The following UBTD2 variants were observed in gnomAD, a reference collection of about 807,000 sequenced individuals.
The protein encoded by UBTD2 is ubiquitin domain-containing protein 2.
Under a neutral mutation model 19.8 loss-of-function variants are expected in UBTD2, and 9 were observed. The ratio of observed to expected loss-of-function variants is 0.46; its 90% CI spans 0.27 to 0.79. The LOEUF is 0.79. UBTD2 is among the 30% of genes least tolerant of loss of function. The pLI is 0.14. For missense variants in UBTD2, 250 were observed against 300.4 expected (o/e 0.83, Z 1.24); for synonymous variants, 98 against 103.9 (o/e 0.94, Z 0.35).
intron 1 of UBTD2, among the ~76,000 whole-genome samples, chr5:172,262,869 T>A (rs993391688): frequency 2.6e-5 from 4 of 152,172 alleles, no homozygotes; most frequent in Non-Finnish European, 5.9e-5. Context: ...ATTGTATTTG[T>A]GAAGCTTAAA....
In UBTD2 at chr5:172,265,843, A is replaced by T. The variant is rs1252063969; in HGVS notation, c.70+17753T>A. Among the ~76,000 whole-genome samples, 7 of 152,274 alleles carry T rather than the reference A, an allele frequency of 4.6e-5. No homozygotes were observed. In the East Asian group the frequency reaches 1.3e-3, roughly 29 times the overall value. On this transcript the variant is annotated intron_variant, in intron 1 of 2. Coordinates refer to ENST00000393792, the MANE Select transcript of UBTD2 (RefSeq NM_152277.3). Reference sequence around the variant, plus strand: ...GAAGACGGGAAGCATATAAATAAACAAATAATTTCTAAAAGCAACTTTTTT... The same window carrying T: ...GAAGACGGGAAGCATATAAATAAACTAATAATTTCTAAAAGCAACTTTTTT...
chr5:172,263,674 G>C (rs2113103655), intron 1 of UBTD2, among the ~76,000 whole-genome samples: 1 of 152,116 alleles, frequency 6.6e-6, no homozygotes, highest in South Asian at 2.1e-4. Context: ...GGCGCCTGTG[G>C]TCCCAGCTAC....
chr5:172,227,823 G>A (rs922464957), intron 2 of UBTD2, among the ~76,000 whole-genome samples: 1 of 149,930 alleles, frequency 6.7e-6, no homozygotes, highest in African/African-American at 2.5e-5. Flanking sequence ...TGGGATTACA[G>A]GCACCCGCCA....
chr5:172,210,143 T>C lies in UBTD2; in HGVS notation c.*1687A>G, dbSNP rs1310228974. On this transcript the variant is annotated 3_prime_UTR_variant, in exon 3 of 3. Transcript: ENST00000393792. ...GATTCAATCATCAGCAAATTTAAAT[T>C]AGATATAGCCACAATCTTTAAAATG... The C allele has an allele frequency of 6.6e-6, 1 of 152,188 alleles. No homozygotes were observed. The highest frequency in any genetic ancestry group is 1.5e-5 in the Non-Finnish European group (1 of 68,040). The allele number at this position is 152,188 out of a possible 1,614,324, so 9.4% of individuals were successfully genotyped here.
rs962600395 is a variant in UBTD2 at position 172,246,888 on chromosome 5, C to G, written c.71-12530G>C. Reference sequence around the variant, plus strand: ...AAGCCATTCTCCCGTCTCAGCCTCCCAAGTAGCTGGGATTGCACCACCATT... The same window carrying G: ...AAGCCATTCTCCCGTCTCAGCCTCCGAAGTAGCTGGGATTGCACCACCATT... On this transcript the variant is annotated intron_variant, in intron 1 of 2. Transcript: ENST00000393792. Among the ~76,000 whole-genome samples, 48 of 150,066 alleles carry G rather than the reference C, an allele frequency of 3.2e-4. No individual in the cohort carries two copies. In the Admixed American group the frequency reaches 3.2e-3, roughly 10 times the overall value.
intron 1 of UBTD2, among the ~76,000 whole-genome samples, chr5:172,272,387 C>G (rs1434081145): frequency 1.3e-5 from 2 of 152,146 alleles, no homozygotes; most frequent in Admixed American, 1.3e-4. Flanking sequence ...CAGCCTAGTA[C>G]TGCCAGAAAA....
intron 2 of UBTD2, among the ~76,000 whole-genome samples, chr5:172,225,854 CTA>C (rs1437627760): frequency 6.6e-6 from 1 of 151,640 alleles, no homozygotes; most frequent in Non-Finnish European, 1.5e-5. Context: ...TTTTGTAGCA[CTA>C]TGAGCCTCTT....
intron 2 of UBTD2, among the ~76,000 whole-genome samples, chr5:172,223,626 A>T: frequency 7.1e-6 from 1 of 141,250 alleles, no homozygotes; most frequent in Admixed American, 7.2e-5. Flanking sequence ...AAGCACACTT[A>T]GGAGTGTTTA....
rs1581204562 is a variant in UBTD2 at position 172,209,959 on chromosome 5, A to T, written c.*1871T>A. 1 of 152,300 alleles carries T rather than the reference A, an allele frequency of 6.6e-6. No individual in the cohort carries two copies. 9.4% of individuals were successfully genotyped at this position (152,300 alleles called of 1,614,324 possible). Reference sequence around the variant, plus strand: ...AAAACAGTTTTAAACACTTTTTTCCAGTTGACAAACTTTGAGAAGTGCTGC... The same window carrying T: ...AAAACAGTTTTAAACACTTTTTTCCTGTTGACAAACTTTGAGAAGTGCTGC... On this transcript the variant is annotated 3_prime_UTR_variant, in exon 3 of 3. Coordinates refer to ENST00000393792, the MANE Select transcript of UBTD2 (RefSeq NM_152277.3).
chr5:172,245,910 A>C (rs1473561476), intron 1 of UBTD2, among the ~76,000 whole-genome samples: 1 of 152,200 alleles, frequency 6.6e-6, no homozygotes, highest in Non-Finnish European at 1.5e-5. Context: ...ACAAAACAAA[A>C]TCAAAGTTCT....
chr5:172,255,092 C>T, intron 1 of UBTD2: 1 of 489,532 alleles, frequency 2.0e-6, no homozygotes, highest in Non-Finnish European at 4.0e-6. Context: ...CGTCAAAAGG[C>T]TGCCAGCCTG....
At chr5:172,279,506 C>T (rs1349447057) in intron 1 of UBTD2, among the ~76,000 whole-genome samples, 1 of 152,138 alleles carries the variant, frequency 6.6e-6, no homozygotes, top group African/African-American at 2.4e-5. Flanking sequence ...AATGAATGTC[C>T]AGCATTCAGT....
At chr5:172,252,946 C>T (rs1755059559) in intron 1 of UBTD2, among the ~76,000 whole-genome samples, 1 of 152,098 alleles carries the variant, frequency 6.6e-6, no homozygotes, top group Non-Finnish European at 1.5e-5. Context: ...TATTTTGAAG[C>T]AAACAGAAAA....
At chr5:172,273,080 G>A (rs13160931) in intron 1 of UBTD2, among the ~76,000 whole-genome samples, 11,086 of 130,432 alleles carry the variant, frequency 0.085, 457 homozygotes, top group Admixed American at 0.15. Flanking sequence ...CCGTCTCTCC[G>A]TCTCAAAAAA....
At chr5:172,214,647 G>A (rs922456419) in intron 2 of UBTD2, among the ~76,000 whole-genome samples, 2 of 152,178 alleles carry the variant, frequency 1.3e-5, no homozygotes, top group African/African-American at 2.4e-5. Flanking sequence ...CTCTGCCAGT[G>A]CTCAATCCAT....
chr5:172,268,303 T>C (rs897542364), intron 1 of UBTD2, among the ~76,000 whole-genome samples: 1 of 152,114 alleles, frequency 6.6e-6, no homozygotes, highest in Non-Finnish European at 1.5e-5. Context: ...TGAAAGATTA[T>C]CCTAGTTGGA....
intron 2 of UBTD2, among the ~76,000 whole-genome samples, chr5:172,229,303 A>G (rs1225445897): frequency 6.6e-6 from 1 of 152,100 alleles, no homozygotes; most frequent in Non-Finnish European, 1.5e-5. Flanking sequence ...GATCGAGACC[A>G]TCCTGGCTAA....
chr5:172,217,139 T>C (rs1380264460), intron 2 of UBTD2, among the ~76,000 whole-genome samples: 2 of 151,892 alleles, frequency 1.3e-5, no homozygotes, highest in Non-Finnish European at 2.9e-5. Flanking sequence ...AGGCAGGGCG[T>C]GGTGGCTTAT....
chr5:172,220,412 G>T (rs1771628696), intron 2 of UBTD2, among the ~76,000 whole-genome samples: 1 of 152,208 alleles, frequency 6.6e-6, no homozygotes, highest in Non-Finnish European at 1.5e-5. Flanking sequence ...GAGACGGGTG[G>T]ATCCCCTGAG....
Sources: allele counts gnomAD v4.1 joint callset (sites outside exome capture counted in the v4.1 genomes callset), GRCh38; gene constraint gnomAD v4.1.1; transcripts MANE v1.5; gene names NCBI Gene and HGNC (gene_info 2026-07-23, HGNC 2026-07-21).